TPRKB: variants seen among roughly 807,000 people sequenced by gnomAD.
The protein encoded by TPRKB is EKC/KEOPS complex subunit TPRKB.
A neutral mutation model predicts 17.8 loss-of-function variants in TPRKB; 11 were observed. The ratio of observed to expected loss-of-function variants is 0.62; its 90% CI spans 0.39 to 1.02. The LOEUF is 1.02. Among genes scored for constraint, TPRKB ranks in the 50% least tolerant of loss-of-function variants. The pLI is 0.00. For missense variants in TPRKB, 228 were observed against 198.0 expected (o/e 1.15, Z -0.91); for synonymous variants, 71 against 69.5 (o/e 1.02, Z -0.11).
chr2:73,734,441 TATCAGTG>T lies in TPRKB; in HGVS notation c.122_128del (p.Ser41Ter). 6.2e-7 allele frequency: 1 copy of T among 1,612,664 alleles called. No individual in the cohort carries two copies. The highest frequency in any genetic ancestry group is 8.5e-7 in the Non-Finnish European group (1 of 1,179,632). Reference sequence around the variant, plus strand: ...AATTTATATTTACCACTGTAGGATTTATCAGTGATCCATCGATGGTGCCTTCCATGGC... The same window carrying T: ...AATTTATATTTACCACTGTAGGATTTATCCATCGATGGTGCCTTCCATGGC... On this transcript the variant is annotated frameshift_variant, in exon 2 of 5. Coordinates refer to ENST00000272424, the MANE Select transcript of TPRKB (RefSeq NM_016058.5). LOFTEE classifies it high-confidence loss of function.
At chr2:73,734,370 A>T (rs893952885) in intron 2 of TPRKB, 59 bp downstream of exon 2, 46 of 1,547,334 alleles carry the variant, frequency 3.0e-5, no homozygotes, top group Non-Finnish European at 4.0e-5. Context: ...AAGTGCTGGC[A>T]TTACAGGCGT....
chr2:73,731,953 G>A (rs1404836565), intron 3 of TPRKB: 7 of 449,642 alleles, frequency 1.6e-5, no homozygotes, highest in Admixed American at 4.0e-5. Context: ...AATTAACCTC[G>A]CTTAATTTAG....
At chr2:73,737,034 C>T (rs1671919006) in intron 1 of TPRKB, among the ~76,000 whole-genome samples, 2 of 152,216 alleles carry the variant, frequency 1.3e-5, no homozygotes, top group African/African-American at 2.4e-5. Context: ...AACCCCGGCA[C>T]TACGGCTCTT....
rs1353111886 is a variant in TPRKB, at chr2:73,734,575, A to G, written c.-6T>C. ...AGCTGATGTGTTAACTGCATTTCACAGATAAGCAGGATTCTACTGCACACA... is the reference window on the plus strand; with the variant it reads ...AGCTGATGTGTTAACTGCATTTCACGGATAAGCAGGATTCTACTGCACACA... On this transcript the variant is annotated 5_prime_UTR_variant, in exon 2 of 5. Coordinates refer to ENST00000272424, the MANE Select transcript of TPRKB (RefSeq NM_016058.5). The G allele has an allele frequency of 3.7e-6, 6 of 1,603,856 alleles. No homozygotes were observed. The Middle Eastern group carries it at 5.0e-4, about 133-fold the overall frequency.
At chr2:73,732,377 C>A in intron 2 of TPRKB, 92 bp from the exon 3 acceptor site, 1 of 1,361,888 alleles carries the variant, frequency 7.3e-7, no homozygotes, top group Admixed American at 2.3e-5. Flanking sequence ...CAGTGTCAAG[C>A]TGTTTTACTT....
chr2:73,732,072 C>T, intron 3 of TPRKB, 91 bp downstream of exon 3: 1 of 1,431,376 alleles, frequency 7.0e-7, no homozygotes, highest in South Asian at 1.3e-5. Flanking sequence ...TTACTAACCA[C>T]TGGCTTGCAG....
intron 1 of TPRKB, among the ~76,000 whole-genome samples, chr2:73,736,909 T>C (rs1671911075): frequency 6.6e-6 from 1 of 152,104 alleles, no homozygotes; most frequent in Admixed American, 6.6e-5. Context: ...GTCACCAACC[T>C]TTCTCCCCGA....
At chr2:73,732,519 T>C (rs1019226384) in intron 2 of TPRKB, 9 of 447,724 alleles carry the variant, frequency 2.0e-5, no homozygotes, top group African/African-American at 1.8e-4. Context: ...AAGACCAGCC[T>C]GGCCAACACG....
At chr2:73,733,248 T>TTTG (rs1282358658) in intron 2 of TPRKB, among the ~76,000 whole-genome samples, 3 of 142,576 alleles carry the variant, frequency 2.1e-5, no homozygotes, top group South Asian at 2.4e-4. Flanking sequence ...TGTGCCCTGT[T>TTTG]TTTTTGTTTT....
At chr2:73,733,254 G>GTTT (rs756367573) in intron 2 of TPRKB, among the ~76,000 whole-genome samples, 3 of 133,856 alleles carry the variant, frequency 2.2e-5, no homozygotes, top group Admixed American at 7.9e-5. Flanking sequence ...CTGTTTTTTT[G>GTTT]TTTTTTTTTT....
intron 3 of TPRKB, among the ~76,000 whole-genome samples, chr2:73,731,708 A>G (rs1327307031): frequency 6.6e-6 from 1 of 152,182 alleles, no homozygotes; most frequent in Non-Finnish European, 1.5e-5. Context: ...AACTCTACCT[A>G]TGTACTGGGT....
rs775306882 is a variant in TPRKB at position 73,730,745 on chromosome 2, A to C, written c.265-9T>G. The C allele has an allele frequency of 2.9e-5, 43 of 1,486,540 alleles. No homozygotes were observed. The highest frequency in any genetic ancestry group is 3.5e-5 in the Non-Finnish European group (39 of 1,122,926). The allele number at this position is 1,486,540 out of a possible 1,614,324, so 92.1% of individuals were successfully genotyped here. ...TTCAAAGCCTCTGAAATCTAAGAGAAAAAAAATGAAAAAAAAAACACAAGA... is the reference window on the plus strand; with the variant it reads ...TTCAAAGCCTCTGAAATCTAAGAGACAAAAAATGAAAAAAAAAACACAAGA... On this transcript the variant is annotated splice_polypyrimidine_tract_variant and intron_variant, in intron 3 of 4. Transcript: ENST00000272424.
intron 1 of TPRKB, among the ~76,000 whole-genome samples, chr2:73,737,021 C>T (rs1671917227): frequency 6.6e-6 from 1 of 152,152 alleles, no homozygotes; most frequent in African/African-American, 2.4e-5. Context: ...CTACAGCGCC[C>T]AGAACCCCGG....
chr2:73,731,746 TTA>T (rs1671620353), intron 3 of TPRKB, among the ~76,000 whole-genome samples: 1 of 152,162 alleles, frequency 6.6e-6, no homozygotes, highest in African/African-American at 2.4e-5. Context: ...TTAAGGACTG[TTA>T]TAGGTACAAG....
At chr2:73,733,475 T>C (rs1192741882) in intron 2 of TPRKB, among the ~76,000 whole-genome samples, 1 of 152,048 alleles carries the variant, frequency 6.6e-6, no homozygotes, top group African/African-American at 2.4e-5. Context: ...GCCAGGCTGG[T>C]CTCAAACTCC....
chr2:73,730,394 A>G, intron 4 of TPRKB, 166 bp downstream of exon 4: 1 of 528,158 alleles, frequency 1.9e-6, no homozygotes, highest in Non-Finnish European at 3.2e-6. Context: ...TACATAAACC[A>G]TCACACCTCC....
chr2:73,736,520 G>A (rs1467406975), intron 1 of TPRKB, among the ~76,000 whole-genome samples: 1 of 152,204 alleles, frequency 6.6e-6, no homozygotes, highest in African/African-American at 2.4e-5. Context: ...CTTGTTTAGC[G>A]TAATTTACTC....
rs1050312661 is a variant in TPRKB, at chr2:73,730,793, T to C, written c.265-57A>G. On this transcript the variant is annotated intron_variant, in intron 3 of 4. Transcript: ENST00000272424. ...AGATCATTAACCATTGTTTCCTACG[T>C]CTGAAACATTTCCTGATCTGCCTTC... 2.0e-5 allele frequency: 26 copies of C among 1,268,348 alleles called. 1 individual carries two copies. The South Asian group carries it at 4.2e-4, about 20-fold the overall frequency. 78.6% of individuals were successfully genotyped at this position (1,268,348 alleles called of 1,614,324 possible).
intron 4 of TPRKB, 38 bp from the exon 5 acceptor site, chr2:73,730,067 C>T (rs1381529171): frequency 5.3e-6 from 8 of 1,510,336 alleles, no homozygotes; most frequent in Middle Eastern, 1.8e-4. Context: ...TTGCTGATAT[C>T]GTCATTCACT....
Sources: allele counts gnomAD v4.1 joint callset (sites outside exome capture counted in the v4.1 genomes callset), GRCh38; gene constraint gnomAD v4.1.1; transcripts MANE v1.5; gene names NCBI Gene and HGNC (gene_info 2026-07-23, HGNC 2026-07-21).